CPLANE1: variants seen among roughly 807,000 people sequenced by gnomAD.
The protein encoded by CPLANE1 is ciliogenesis and planar polarity effector complex subunit 1, also known as ciliogenesis and planar polarity effector 1.
Under a neutral mutation model 362.5 loss-of-function variants are expected in CPLANE1, and 263 were observed. That is an observed-to-expected ratio of 0.73 (90% CI 0.66 to 0.80). The LOEUF is 0.80. Ranked by LOEUF, CPLANE1 falls within the 30% of genes least tolerant of loss-of-function variation. The pLI is 0.00. For missense variants in CPLANE1, 3,461 were observed against 3,793.4 expected (o/e 0.91, Z 2.30); for synonymous variants, 1,212 against 1,302.6 (o/e 0.93, Z 1.50).
intron 14 of CPLANE1, among the ~76,000 whole-genome samples, chr5:37,222,783 T>C (rs1249684903): frequency 6.6e-6 from 1 of 152,214 alleles, no homozygotes; most frequent in Non-Finnish European, 1.5e-5. Context: ...TCAAGCCTAT[T>C]AAATAACTGT....
chr5:37,133,613 T>C (rs1766650383), intron 46 of CPLANE1, among the ~76,000 whole-genome samples: 2 of 152,074 alleles, frequency 1.3e-5, no homozygotes, highest in African/African-American at 4.8e-5. Flanking sequence ...CTGATTTTTG[T>C]ACATTGATTT....
intron 18 of CPLANE1, among the ~76,000 whole-genome samples, chr5:37,202,340 T>C (rs2150072991): frequency 6.6e-6 from 1 of 152,216 alleles, no homozygotes; most frequent in East Asian, 1.9e-4. Flanking sequence ...GTATTTTTAG[T>C]AGAGATGAGG....
Position 37,223,476 on chromosome 5 carries a change from T to C in CPLANE1, c.2581+777A>G, listed in dbSNP as rs183561336. 2.2e-3 allele frequency among the ~76,000 whole-genome samples: 332 copies of C among 152,326 alleles called. 1 individual carries two copies. Among genetic ancestry groups the C allele is most frequent in the Non-Finnish European group, 2.6e-3 (174 of 68,038 alleles). On this transcript the variant is annotated intron_variant, in intron 14 of 52. Coordinates refer to ENST00000651892, the MANE Select transcript of CPLANE1 (RefSeq NM_001384732.1). ...ATAGCAGGCACTCAACAAAGACTGGTTAAGTAAATGAATTAATGAAATATA... is the reference window on the plus strand; with the variant it reads ...ATAGCAGGCACTCAACAAAGACTGGCTAAGTAAATGAATTAATGAAATATA...
At chr5:37,138,450 C>A in intron 46 of CPLANE1, 1 of 549,228 alleles carries the variant, frequency 1.8e-6, no homozygotes, top group Non-Finnish European at 3.4e-6. Context: ...GTGCTATGAG[C>A]TAATCATTAA....
At chr5:37,234,114 T>G (rs1798361324) in intron 8 of CPLANE1, among the ~76,000 whole-genome samples, 1 of 151,888 alleles carries the variant, frequency 6.6e-6, no homozygotes, top group Non-Finnish European at 1.5e-5. Flanking sequence ...TTCAAAAAAT[T>G]AAAACAAGCA....
At chr5:37,085,751 G>A in the CPLANE1 span, 5 of 1,400,506 alleles carry the variant, frequency 3.6e-6, no homozygotes, top group South Asian at 2.3e-5. Flanking sequence ...TATTGGCAAG[G>A]GCAACAAACC....
rs761239599 is a variant in CPLANE1, at chr5:37,182,750, A to ATCAATTGTATT, written c.5421+9_5421+10insAATACAATTGA. The ATCAATTGTATT allele has an allele frequency of 1.7e-5, 26 of 1,516,868 alleles. No individual in the cohort carries two copies. The highest frequency in any genetic ancestry group is 2.2e-5 in the Non-Finnish European group (24 of 1,102,730). The allele number at this position is 1,516,868 out of a possible 1,614,324, so 94.0% of individuals were successfully genotyped here. On this transcript the variant is annotated intron_variant, in intron 26 of 52. Coordinates refer to ENST00000651892, the MANE Select transcript of CPLANE1 (RefSeq NM_001384732.1). ...CTCATTTGTAAGTAATAAACAATTG[A>ATCAATTGTATT]TATGCTTACCTTAATAATGGCATTT...
intron 43 of CPLANE1, among the ~76,000 whole-genome samples, chr5:37,143,957 T>C (rs1002095558): frequency 1.4e-5 from 2 of 142,576 alleles, no homozygotes; most frequent in East Asian, 2.0e-4. Context: ...AAAAAAGATA[T>C]AAGGAACAGA....
At chr5:37,086,485 T>C in the CPLANE1 span, among the ~76,000 whole-genome samples, 3 of 152,256 alleles carry the variant, frequency 2.0e-5, no homozygotes, top group Non-Finnish European at 4.4e-5. Flanking sequence ...GATAGAGTTA[T>C]GGCTGAAGGC....
At chr5:37,157,097 A>C (rs1039983595) in intron 41 of CPLANE1, among the ~76,000 whole-genome samples, 4 of 152,242 alleles carry the variant, frequency 2.6e-5, no homozygotes, top group African/African-American at 9.6e-5. Flanking sequence ...AATTGAGAAA[A>C]GACATATGCA....
chr5:37,187,998 C>T (rs1201248226), intron 21 of CPLANE1, among the ~76,000 whole-genome samples, 156 bp from the exon 22 acceptor site: 2 of 151,918 alleles, frequency 1.3e-5, no homozygotes, highest in Non-Finnish European at 2.9e-5. Flanking sequence ...ATATAAAAGT[C>T]CTTATATAAA....
At chr5:37,079,392 ATAT>A in the CPLANE1 span, among the ~76,000 whole-genome samples, 3 of 152,072 alleles carry the variant, frequency 2.0e-5, no homozygotes, top group Non-Finnish European at 2.9e-5. Flanking sequence ...TACTGGGGTA[ATAT>A]TAATTAGTTT....
chr5:37,206,820 G>T (rs1348023263), intron 16 of CPLANE1, among the ~76,000 whole-genome samples: 1 of 151,634 alleles, frequency 6.6e-6, no homozygotes, highest in East Asian at 1.9e-4. Context: ...CCGTGACATG[G>T]GTCACAATGT....
intron 28 of CPLANE1, 95 bp from the exon 29 acceptor site, chr5:37,179,538 A>C: frequency 1.3e-6 from 1 of 753,496 alleles, no homozygotes. Flanking sequence ...GAAACAATAT[A>C]ATGACAGAAA....
rs530757649 is a variant in CPLANE1 at position 37,236,037 on chromosome 5, T to G, written c.938+2820A>C. Reference sequence around the variant, plus strand: ...GGCATGCACCACCACACCTGGCTAATTTTACAAAATCCAATTTAGTAGAGA... The same window carrying G: ...GGCATGCACCACCACACCTGGCTAAGTTTACAAAATCCAATTTAGTAGAGA... On this transcript the variant is annotated intron_variant, in intron 8 of 52. Transcript: ENST00000651892. Among the ~76,000 whole-genome samples the G allele has an allele frequency of 4.6e-5, 7 of 151,894 alleles. No homozygotes were observed. The East Asian group carries it at 1.4e-3, about 29-fold the overall frequency.
intron 44 of CPLANE1, chr5:37,139,616 G>T: frequency 1.5e-6 from 1 of 654,526 alleles, no homozygotes; most frequent in Non-Finnish European, 2.0e-6. Flanking sequence ...CAGCGACATG[G>T]TCATGGCATA....
chr5:37,195,906 C>G lies in CPLANE1; in HGVS notation c.3763G>C (p.Gly1255Arg), dbSNP rs1197175701. The change falls in exon 21 of 53, where the codon GGA (glycine) becomes CGA (arginine). Residue 1255 changes from glycine (G) to arginine (R), a missense_variant. This residue lies in a region of CPLANE1 where 3,380 missense variants were observed against 3,666.1 expected (regional missense o/e 0.92). Coordinates refer to ENST00000651892, the MANE Select transcript of CPLANE1 (RefSeq NM_001384732.1). Reference protein sequence around the residue: ...CKGGIAFFRPGAAGDHKLDEV... With the variant: ...CKGGIAFFRPRAAGDHKLDEV... The stretch of plus-strand genomic sequence containing the variant: ...TCAAGCTTGTGGTCTCCAGCTGCTC[C>G]AGGTCTAAAAAATGCGATACCTCCT... 6.2e-7 allele frequency: 1 copy of G among 1,613,178 alleles called. No homozygotes were observed. The highest frequency in any genetic ancestry group is 8.5e-7 in the Non-Finnish European group (1 of 1,179,670).
At position 37,170,133 on chromosome 5, in the gene CPLANE1, T is replaced by C. The variant is rs770682379; in HGVS notation, c.6370A>G (p.Met2124Val). 9.9e-6 allele frequency: 16 copies of C among 1,614,088 alleles called. No individual in the cohort carries two copies. Among genetic ancestry groups the C allele is most frequent in the East Asian group, 4.5e-5 (2 of 44,898 alleles). Residue 2124 changes from methionine (M) to valine (V), a missense_variant, in exon 33 of 53, where the codon ATG (methionine) becomes GTG (valine). This residue lies in a region of CPLANE1 where 3,380 missense variants were observed against 3,666.1 expected (regional missense o/e 0.92). Transcript: ENST00000651892. Reference sequence around the variant, plus strand: ...CGAGGCTCTCTGGCGTTCTCTCCCATTGACTGTGGTTTAATAAAAAATCTC... The same window carrying C: ...CGAGGCTCTCTGGCGTTCTCTCCCACTGACTGTGGTTTAATAAAAAATCTC... ...KERFFIKPQSMGENAREPRKN... is the reference protein window; with the variant it reads ...KERFFIKPQSVGENAREPRKN...
rs1554117507 is a variant in CPLANE1 at position 37,245,583 on chromosome 5, C to A, written c.233G>T (p.Gly78Val). 1 of 1,514,476 alleles carries A rather than the reference C, an allele frequency of 6.6e-7. No homozygotes were observed. The allele number at this position is 1,514,476 out of a possible 1,614,324, so 93.8% of individuals were successfully genotyped here. Residue 78 changes from glycine to valine, a missense_variant, in exon 4 of 53, where the codon GGG (glycine) becomes GTG (valine). Gly to Val is a moderately radical substitution (Grantham distance 109). This residue lies in a region of CPLANE1 where 3,380 missense variants were observed against 3,666.1 expected (regional missense o/e 0.92). Coordinates refer to ENST00000651892, the MANE Select transcript of CPLANE1 (RefSeq NM_001384732.1). ...GAAAAGCTCTCCTGTAGTTAGTACCCCAGCCAGCCAGGCATCTGTTTCCAA... is the reference window on the plus strand; with the variant it reads ...GAAAAGCTCTCCTGTAGTTAGTACCACAGCCAGCCAGGCATCTGTTTCCAA... ...TTSSNDAWLA[G>V]VLTTGELFLW...
Sources: allele counts gnomAD v4.1 joint callset (sites outside exome capture counted in the v4.1 genomes callset), GRCh38; gene constraint gnomAD v4.1.1; regional missense constraint gnomAD v4.1.1; transcripts MANE v1.5; gene names NCBI Gene and HGNC (gene_info 2026-07-23, HGNC 2026-07-21).